The following MYO18B variants were observed in gnomAD, a reference collection of about 807,000 sequenced individuals.
MYO18B encodes myosin XVIIIB, also known as unconventional myosin-XVIIIb.
MYO18B carries 204 observed loss-of-function variants against 273.0 expected under a neutral mutation model. That is an observed-to-expected ratio of 0.75 (90% CI 0.67 to 0.84). The LOEUF (loss-of-function observed/expected upper bound fraction) is 0.84. Ranked by LOEUF, MYO18B falls within the 40% of genes least tolerant of loss-of-function variation. MYO18B has a pLI of 0.00. For synonymous variants in MYO18B, 1,330 were observed against 1,305.7 expected (o/e 1.02, Z -0.40); for missense variants, 3,212 against 3,287.6 (o/e 0.98, Z 0.56).
chr22:26,042,321 A>G, the MYO18B span, among the ~76,000 whole-genome samples: 1 of 152,268 alleles, frequency 6.6e-6, no homozygotes, highest in Admixed American at 6.5e-5. Context: ...GAAAGTGCTC[A>G]GCACAGCACG....
intron 34 of MYO18B, among the ~76,000 whole-genome samples, chr22:25,930,855 C>T (rs769437035): frequency 6.6e-6 from 1 of 152,074 alleles, no homozygotes; most frequent in African/African-American, 2.4e-5. Context: ...AAGCCTTGTG[C>T]GACTTATACA....
chr22:25,813,659 T>G (rs1601774907), intron 12 of MYO18B, among the ~76,000 whole-genome samples: 4 of 152,218 alleles, frequency 2.6e-5, no homozygotes, highest in Admixed American at 2.6e-4. Context: ...TTCAGGGTCC[T>G]CCTTCTCAAT....
the MYO18B span, among the ~76,000 whole-genome samples, chr22:26,046,313 G>A: frequency 2.6e-5 from 4 of 152,152 alleles, no homozygotes; most frequent in South Asian, 2.1e-4. Context: ...TGAATCTGGG[G>A]AAATACCATA....
chr22:26,003,221 T>C (rs760911970), intron 40 of MYO18B, 44 bp from the exon 41 acceptor site: 49 of 1,568,284 alleles, frequency 3.1e-5, no homozygotes, highest in Middle Eastern at 1.7e-4. Flanking sequence ...TCCAAGCCCC[T>C]GGCAGCACGA....
chr22:26,043,184 C>T, the MYO18B span, among the ~76,000 whole-genome samples: 1 of 152,212 alleles, frequency 6.6e-6, no homozygotes, highest in African/African-American at 2.4e-5. Context: ...AGACTTCTTT[C>T]ACTCAGCAAA....
At chr22:26,031,623 G>T (rs1936669137), downstream of MYO18B, among the ~76,000 whole-genome samples, 1 of 152,080 alleles carries the variant, frequency 6.6e-6, no homozygotes, top group Non-Finnish European at 1.5e-5. Context: ...TTTTTGAGTG[G>T]GGCTGGGGAA....
At chr22:25,975,976 T>A (rs1172196462) in intron 39 of MYO18B, among the ~76,000 whole-genome samples, 1 of 152,168 alleles carries the variant, frequency 6.6e-6, no homozygotes, top group Non-Finnish European at 1.5e-5. Flanking sequence ...GACTCCAGAG[T>A]CCATTTCTTT....
intron 39 of MYO18B, among the ~76,000 whole-genome samples, chr22:25,988,933 CCTA>C (rs1474814134): frequency 6.6e-6 from 1 of 152,170 alleles, no homozygotes; most frequent in Admixed American, 6.5e-5. Context: ...GGCTCCAGAG[CCTA>C]CTTTCACTTT....
rs189538616 is a variant in MYO18B, at chr22:26,027,557, C to G, written c.7583C>G (p.Pro2528Arg). 2.9e-4 allele frequency: 471 copies of G among 1,613,978 alleles called. 3 individuals carry two copies. The highest frequency in any genetic ancestry group is 1.2e-3 in the East Asian group (52 of 44,876). Residue 2528 changes from proline to arginine, a missense_variant, in exon 43 of 44, where the codon CCA becomes CGA. Coordinates refer to ENST00000335473, the MANE Select transcript of MYO18B (RefSeq NM_032608.7). This position sits in a 1 kb window ranked among gnomAD's most constrained non-coding sequence, Gnocchi z 4.1. Reference sequence around the variant, plus strand: ...AGTGCTGACAGCATCAAAAGTCGACCAGGAATCCCACGACTTGCGGGTGAC... The same window carrying G: ...AGTGCTGACAGCATCAAAAGTCGACGAGGAATCCCACGACTTGCGGGTGAC... ...FKSADSIKSR[P>R]GIPRLAGDGG...
intron 32 of MYO18B, among the ~76,000 whole-genome samples, chr22:25,909,536 A>T (rs1298391734): frequency 6.6e-6 from 1 of 152,178 alleles, no homozygotes; most frequent in African/African-American, 2.4e-5. Context: ...GGAATCTCTC[A>T]GTCCCTGCCC....
chr22:26,039,373 C>T, the MYO18B span, among the ~76,000 whole-genome samples: 11 of 152,294 alleles, frequency 7.2e-5, no homozygotes, highest in South Asian at 2.1e-3. Context: ...GCTTTTATCT[C>T]CACCTGGAAC....
chr22:25,835,238 C>T, intron 16 of MYO18B, 58 bp from the exon 17 acceptor site: 1 of 1,561,176 alleles, frequency 6.4e-7, no homozygotes, highest in Non-Finnish European at 8.6e-7. Context: ...AAGAGAAGCC[C>T]AAGACAGGCT....
At chr22:25,996,885 G>A (rs530798550) in intron 40 of MYO18B, among the ~76,000 whole-genome samples, 3 of 152,058 alleles carry the variant, frequency 2.0e-5, no homozygotes, top group Non-Finnish European at 4.4e-5. Context: ...TTTCTCCATC[G>A]CATCTTCCTC....
the MYO18B span, among the ~76,000 whole-genome samples, chr22:26,050,777 C>T: frequency 1.7e-4 from 26 of 152,250 alleles, no homozygotes; most frequent in South Asian, 2.1e-3. Context: ...CAGTGGCAGG[C>T]GCATAGAAAA....
chr22:25,876,154 A>C (rs753445817), intron 23 of MYO18B, 35 bp from the exon 24 acceptor site: 2 of 1,592,826 alleles, frequency 1.3e-6, no homozygotes, highest in Non-Finnish European at 1.7e-6. Flanking sequence ...CTGGGTTGGA[A>C]AGGACCCTCC....
the MYO18B span, among the ~76,000 whole-genome samples, chr22:26,060,652 C>G: frequency 6.6e-6 from 1 of 152,126 alleles, no homozygotes; most frequent in Non-Finnish European, 1.5e-5. Flanking sequence ...CACACATCCA[C>G]ACATTTATAC....
At chr22:25,929,438 A>G (rs2092467598) in intron 34 of MYO18B, among the ~76,000 whole-genome samples, 1 of 152,186 alleles carries the variant, frequency 6.6e-6, no homozygotes, top group Admixed American at 6.5e-5. Context: ...AAGATATATA[A>G]TTGAGATAAT....
rs367956210 is a variant in MYO18B at position 25,849,759 on chromosome 22, A to G, written c.3776-1711A>G. On this transcript the variant is annotated intron_variant, in intron 20 of 43. Transcript: ENST00000335473. ...AGAGCTTATCTCCCTGTCCTCTCCT[A>G]TAATAGCTCATATCGCTGAAGGCTG... Among the ~76,000 whole-genome samples, 39 of 152,320 alleles carry G rather than the reference A, an allele frequency of 2.6e-4. No homozygotes were observed. The South Asian group carries it at 8.1e-3, about 32-fold the overall frequency.
chr22:25,797,916 A>G, intron 11 of MYO18B, 37 bp from the exon 12 acceptor site: 1 of 1,613,916 alleles, frequency 6.2e-7, no homozygotes, highest in Non-Finnish European at 8.5e-7. Flanking sequence ...CTCCATCGCG[A>G]TGGCCTTGTT....
Sources: allele counts gnomAD v4.1 joint callset (sites outside exome capture counted in the v4.1 genomes callset), GRCh38; gene constraint gnomAD v4.1.1; non-coding constraint Gnocchi (gnomAD v3.1); transcripts MANE v1.5; gene names NCBI Gene and HGNC (gene_info 2026-07-23, HGNC 2026-07-21).